The following GNAS variants were observed in gnomAD, a reference collection of about 807,000 sequenced individuals.
The protein encoded by GNAS is protein ALEX.
In GNAS, 8 loss-of-function variants were observed where a neutral mutation model predicts 54.5. That is an observed-to-expected ratio of 0.15 (90% CI 0.09 to 0.26). GNAS has a LOEUF of 0.26. Ranked by LOEUF, GNAS falls within the 10% of genes least tolerant of loss-of-function variation. The pLI is 1.00. For synonymous variants in GNAS, 204 were observed against 191.4 expected, an observed-to-expected ratio of 1.07 and a Z score of -0.54; for missense variants, 170 against 529.8, an observed-to-expected ratio of 0.32 and a Z score of 6.67.
At position 58,841,156 on chromosome 20, in the gene GNAS, G is replaced by GCCCCGGCTACGCGACTGAAT. The variant is rs1457497925; in HGVS notation, c.43+274_43+293dup. 3.9e-5 allele frequency among the ~76,000 whole-genome samples: 6 copies of GCCCCGGCTACGCGACTGAAT among 152,150 alleles called. No homozygotes were observed. The highest frequency in any genetic ancestry group is 7.3e-5 in the Non-Finnish European group (5 of 68,034). On this transcript the variant is annotated intron_variant, in intron 1 of 12. Transcript: ENST00000306090. The surrounding 1 kb of genome is among the most constrained non-coding windows in gnomAD (Gnocchi z 5.0). ...GACAACCTGAGGTCTCCGAGCTGGT[G>GCCCCGGCTACGCGACTGAAT]CCCCGGCTACGCGACTGAATCCCGA...
chr20:58,843,067 G>A (rs2085798997), intron 1 of GNAS, among the ~76,000 whole-genome samples: 1 of 152,136 alleles, frequency 6.6e-6, no homozygotes, highest in East Asian at 1.9e-4. Context: ...ATGTAGCGAG[G>A]AGGGGCAATC....
intron 1 of GNAS, among the ~76,000 whole-genome samples, chr20:58,883,782 G>A (rs2088406161): frequency 6.6e-6 from 1 of 152,118 alleles, no homozygotes; most frequent in Non-Finnish European, 1.5e-5. Flanking sequence ...CAGTGGCCTT[G>A]GGAAGGAGAG....
At chr20:58,850,788 C>T (rs982809062) in intron 1 of GNAS, 9 of 398,730 alleles carry the variant, frequency 2.3e-5, no homozygotes, top group Middle Eastern at 6.2e-4. Flanking sequence ...AAGAGTGACC[C>T]CACGGCGCTA....
chr20:58,891,655 C>T lies in GNAS; in HGVS notation c.-72C>T. The T allele has an allele frequency of 4.1e-6, 4 of 973,286 alleles. No homozygotes were observed. In the South Asian group the frequency reaches 1.4e-4, roughly 34 times the overall value. 60.3% of individuals were successfully genotyped at this position (973,286 alleles called of 1,614,324 possible). A position where few individuals can be genotyped will look rare whatever the true frequency, so the allele number is the denominator to read the frequency against. On this transcript the variant is annotated 5_prime_UTR_variant, in exon 1 of 13. Coordinates refer to ENST00000371085, the MANE Select transcript of GNAS (RefSeq NM_000516.7). ...CCCGCCCGGCGCTGCCCCGGCCCTC[C>T]CGGCCCGCGTGAGGCCGCCCGCGCC...
At position 58,841,618 on chromosome 20, in the gene GNAS, G is replaced by C. The variant is rs796980716; in HGVS notation, c.43+732G>C. 1.9e-6 allele frequency: 2 copies of C among 1,053,746 alleles called. No individual in the cohort carries two copies. Among genetic ancestry groups the C allele is most frequent in the Non-Finnish European group, 2.3e-6 (2 of 874,666 alleles). 65.3% of individuals were successfully genotyped at this position (1,053,746 alleles called of 1,614,324 possible). ...TCAAAGAGCGTGCGCACCTGCCCGC[G>C]CGCGCCGGAGCTGACCTCTCCCGGC... On this transcript the variant is annotated intron_variant, in intron 1 of 12. Transcript: ENST00000306090. This position sits in a 1 kb window ranked among gnomAD's most constrained non-coding sequence, Gnocchi z 5.0.
At chr20:58,879,643 A>G (rs1379053106) in intron 1 of GNAS, among the ~76,000 whole-genome samples, 1 of 152,202 alleles carries the variant, frequency 6.6e-6, no homozygotes, top group East Asian at 1.9e-4. Context: ...GGAAGGGTAC[A>G]CACAAACAAG....
intron 1 of GNAS, chr20:58,881,666 C>T (rs2088228737): frequency 1.3e-5 from 2 of 152,272 alleles, no homozygotes; most frequent in Admixed American, 1.3e-4. Context: ...GCTGCTTTCT[C>T]ACCTCAGGTT....
chr20:58,854,896 G>A (rs1600716252), intron 1 of GNAS: 3 of 1,594,290 alleles, frequency 1.9e-6, no homozygotes, highest in African/African-American at 2.7e-5. Flanking sequence ...CCTACTCCGC[G>A]GCCTACTCGC....
chr20:58,910,243 G>T lies in GNAS; in HGVS notation c.971-91G>T, dbSNP rs1209895578. 11 of 1,284,196 alleles carry T rather than the reference G, an allele frequency of 8.6e-6. No individual in the cohort carries two copies. In the Middle Eastern group the frequency reaches 5.5e-4, roughly 64 times the overall value. The allele number at this position is 1,284,196 out of a possible 1,614,324, so 79.6% of individuals were successfully genotyped here. A position where few individuals can be genotyped will look rare whatever the true frequency, so the allele number is the denominator to read the frequency against. On this transcript the variant is annotated intron_variant, in intron 11 of 12. Coordinates refer to ENST00000371085, the MANE Select transcript of GNAS (RefSeq NM_000516.7). The surrounding 1 kb of genome is among the most constrained non-coding windows in gnomAD (Gnocchi z 5.8). ...CTAATTCTCATATGGAAAAATCAGG[G>T]TTTTGAAGACTTCAGGAGCTACAGA...
At chr20:58,898,639 G>T in intron 2 of GNAS, 1 of 529,300 alleles carries the variant, frequency 1.9e-6, no homozygotes, top group East Asian at 3.2e-5. Context: ...ATGCGTGTAC[G>T]TTTAGTGAAA....
Position 58,858,675 on chromosome 20 carries a change from T to C in GNAS, c.43+17789T>C, listed in dbSNP as rs113212921. ...ATATATAATAATGGCTATTCTGCTA[T>C]GATGCTTTATTTATACAGTGAATCA... On this transcript the variant is annotated intron_variant, in intron 1 of 12. Coordinates refer to the GNAS transcript ENST00000306090. Among the ~76,000 whole-genome samples the C allele has an allele frequency of 5.6e-3, 857 of 152,368 alleles. 6 individuals carry two copies. The highest frequency in any genetic ancestry group is 9.3e-3 in the Non-Finnish European group (634 of 68,028).
At chr20:58,892,113 C>G (rs1165629861) in intron 1 of GNAS, 2 of 968,132 alleles carry the variant, frequency 2.1e-6, no homozygotes, top group South Asian at 4.8e-5. Context: ...CCCCGGCCTG[C>G]CCGCTCAGTG....
rs573711613 is a variant in GNAS, at chr20:58,868,023, T to C, written c.43+27137T>C. On this transcript the variant is annotated intron_variant, in intron 1 of 12. Transcript: ENST00000306090. Reference sequence around the variant, plus strand: ...GACACCTCTCCTGTTTCTTTCTTTCTTTTTTTTTTTTTTTTGAGATGGAGT... The same window carrying C: ...GACACCTCTCCTGTTTCTTTCTTTCCTTTTTTTTTTTTTTTGAGATGGAGT... 9.0e-3 allele frequency among the ~76,000 whole-genome samples: 994 copies of C among 111,036 alleles called. 11 individuals are homozygous for C. The highest frequency in any genetic ancestry group is 0.048 in the African/African-American group (947 of 19,578). The allele number at this position is 111,036 out of a possible 152,430, so 72.8% of individuals were successfully genotyped here. A position where few individuals can be genotyped will look rare whatever the true frequency, so the allele number is the denominator to read the frequency against.
In GNAS at chr20:58,841,439, A is replaced by ACG. The variant is rs888965181; in HGVS notation, c.43+562_43+563dup. The ACG allele has an allele frequency of 6.6e-5, 66 of 992,544 alleles. No individual in the cohort carries two copies. In the Middle Eastern group the frequency reaches 1.5e-3, roughly 23 times the overall value. 61.5% of individuals were successfully genotyped at this position (992,544 alleles called of 1,614,324 possible). A position where few individuals can be genotyped will look rare whatever the true frequency, so the allele number is the denominator to read the frequency against. ...AGACTGACCACCCGGGAGGGAAGTC[A>ACG]CGCGCGCGCGGCGCCTAAGCAGCTC... On this transcript the variant is annotated intron_variant, in intron 1 of 12. Transcript: ENST00000306090. This position sits in a 1 kb window ranked among gnomAD's most constrained non-coding sequence, Gnocchi z 5.0.
At chr20:58,901,960 A>G in intron 3 of GNAS, among the ~76,000 whole-genome samples, 1 of 151,098 alleles carries the variant, frequency 6.6e-6, no homozygotes, top group East Asian at 2.0e-4. Flanking sequence ...GTCTGGAGAG[A>G]TTATATGTTT....
intron 1 of GNAS, among the ~76,000 whole-genome samples, chr20:58,871,626 A>AAC (rs1555878018): frequency 2.7e-5 from 4 of 147,756 alleles, no homozygotes; most frequent in African/African-American, 9.8e-5. Flanking sequence ...AAAAAAAAAA[A>AAC]AAACAAACAA....
chr20:58,911,082 TAAAAC>T lies in GNAS; in HGVS notation c.*255_*259del, dbSNP rs1569034381. 3 of 639,382 alleles carry T rather than the reference TAAAAC, an allele frequency of 4.7e-6. No homozygotes were observed. Among genetic ancestry groups the T allele is most frequent in the Admixed American group, 2.1e-5 (1 of 47,150 alleles). 39.6% of individuals were successfully genotyped at this position (639,382 alleles called of 1,614,324 possible). ...CCCTCTCACTTTCAGTAAAAATAAA[TAAAAC>T]AGCAGCAGCAAACAAATAAAATGAA... On this transcript the variant is annotated 3_prime_UTR_variant, in exon 13 of 13. Coordinates refer to ENST00000371085, the MANE Select transcript of GNAS (RefSeq NM_000516.7).
chr20:58,902,064 AC>A (rs1303119728), intron 3 of GNAS, among the ~76,000 whole-genome samples: 1 of 151,872 alleles, frequency 6.6e-6, no homozygotes, highest in East Asian at 1.9e-4. Flanking sequence ...ATATATACAA[AC>A]CGTGAAAAAG....
At chr20:58,839,913 T>A, upstream of GNAS, 2 of 615,622 alleles carry the variant, frequency 3.2e-6, no homozygotes, top group Non-Finnish European at 5.7e-6. Context: ...GGCGCGGAGC[T>A]TTAGAAAGTT....
Sources: allele counts gnomAD v4.1 joint callset (sites outside exome capture counted in the v4.1 genomes callset), GRCh38; gene constraint gnomAD v4.1.1; non-coding constraint Gnocchi (gnomAD v3.1); transcripts MANE v1.5; gene names NCBI Gene and HGNC (gene_info 2026-07-23, HGNC 2026-07-21).